The following DNAH10 variants were observed in gnomAD, a reference collection of about 807,000 sequenced individuals.
DNAH10 encodes axonemal beta dynein heavy chain 10.
In DNAH10, 348 loss-of-function variants were observed where a neutral mutation model predicts 506.6. The ratio of observed to expected loss-of-function variants is 0.69; its 90% CI spans 0.63 to 0.75. The LOEUF (loss-of-function observed/expected upper bound fraction) is 0.75, where lower values mean the gene tolerates loss of function less well. Ranked by LOEUF, DNAH10 falls within the 30% of genes least tolerant of loss-of-function variation. The pLI, the probability that DNAH10 is intolerant of heterozygous loss-of-function variation, is 0.00. For missense variants in DNAH10, 5,179 were observed against 5,787.1 expected, an observed-to-expected ratio of 0.89 and a Z score of 3.41; for synonymous variants, 2,059 against 2,198.6, an observed-to-expected ratio of 0.94 and a Z score of 1.78.
chr12:123,819,434 C>T (rs969942446), intron 23 of DNAH10, among the ~76,000 whole-genome samples, 184 bp downstream of exon 23: 10 of 149,980 alleles, frequency 6.7e-5, no homozygotes, highest in Admixed American at 6.0e-4. Context: ...TGGATTAATG[C>T]GACTCATTGA....
chr12:123,877,316 T>C (rs543313960), intron 47 of DNAH10, among the ~76,000 whole-genome samples: 2 of 152,212 alleles, frequency 1.3e-5, no homozygotes, highest in East Asian at 3.9e-4. Context: ...TCCTGGTTTG[T>C]TTTATTTTGT....
At chr12:123,789,891 A>C in intron 10 of DNAH10, 36 bp from the exon 11 acceptor site, 1 of 1,583,004 alleles carries the variant, frequency 6.3e-7, no homozygotes, top group Non-Finnish European at 8.6e-7. Flanking sequence ...GGAAAACCCA[A>C]ATGTAATCTC....
chr12:123,789,991 G>A lies in DNAH10; in HGVS notation c.1685G>A (p.Arg562His), dbSNP rs201031616. The change falls in exon 11 of 79, where the codon CGC (arginine) becomes CAC (histidine). Residue 562 changes from arginine (R) to histidine (H), a missense_variant. Physicochemically the swap from Arg to His is conservative, Grantham distance 29. Around this residue, in one of 3 missense-constraint regions of DNAH10, gnomAD observed 4,844 missense variants for 5,430.5 expected, o/e 0.89. Transcript: ENST00000673944. Reference protein sequence around the residue: ...ELKAVTGDPKRIDDVLCRVDG... With the variant: ...ELKAVTGDPKHIDDVLCRVDG... ...AAGGCAGTGACGGGGGACCCCAAGC[G>A]CATTGATGATGTCCTATGCAGAGTG... is the stretch of plus-strand genomic sequence containing the variant. 1.1e-5 allele frequency: 17 copies of A among 1,614,118 alleles called. No individual in the cohort carries two copies. The East Asian group carries it at 2.0e-4, about 19-fold the overall frequency.
intron 52 of DNAH10, among the ~76,000 whole-genome samples, chr12:123,892,367 C>G (rs1229024479): frequency 6.6e-6 from 1 of 152,122 alleles, no homozygotes; most frequent in African/African-American, 2.4e-5. Context: ...CCAGATCTCA[C>G]GAGAACTCAC....
At position 123,923,690 on chromosome 12, in the gene DNAH10, A is replaced by G. The variant is rs1228190921; in HGVS notation, c.11507-73A>G. On this transcript the variant is annotated intron_variant, in intron 65 of 78. Coordinates refer to ENST00000673944, the MANE Select transcript of DNAH10 (RefSeq NM_001372106.1). ...TTTCATTTATCTTACGTTTAAGCAC[A>G]GTGTGCATAAGAAACTCAGTTTTTT... The G allele has an allele frequency of 5.1e-6, 5 of 979,028 alleles. No individual in the cohort carries two copies. In the East Asian group the frequency reaches 1.0e-4, roughly 20 times the overall value. 60.6% of individuals were successfully genotyped at this position (979,028 alleles called of 1,614,324 possible).
chr12:123,834,916 A>G (rs1479780114), intron 27 of DNAH10, among the ~76,000 whole-genome samples: 3 of 152,116 alleles, frequency 2.0e-5, no homozygotes, highest in Non-Finnish European at 2.9e-5. Flanking sequence ...TTGTTTTTCT[A>G]TCCATTGGCT....
At position 123,820,713 on chromosome 12, in the gene DNAH10, A is replaced by G. The variant is rs1455839321; in HGVS notation, c.4134A>G (p.Glu1378=). Residue 1378 remains glutamate, a synonymous_variant, in exon 24 of 79, where the codon GAA becomes GAG. Transcript: ENST00000673944. Reference sequence around the variant, plus strand: ...CAGAGCTGCTGAAAGTGCAGAAGGAAATGAGTGGGCTGAGGATGATTTACG... The same window carrying G: ...CAGAGCTGCTGAAAGTGCAGAAGGAGATGAGTGGGCTGAGGATGATTTACG... ...MYPELLKVQK[E]MSGLRMIYEL... is the part of the protein sequence containing the mutation. 6.2e-7 allele frequency: 1 copy of G among 1,613,878 alleles called. No homozygotes were observed. The highest frequency in any genetic ancestry group is 1.3e-5 in the African/African-American group (1 of 74,920).
rs1236766392 is a variant in DNAH10, at chr12:123,925,397, AGT to A, written c.11921+197_11921+198del. 16 of 682,772 alleles carry A rather than the reference AGT, an allele frequency of 2.3e-5. No homozygotes were observed. The highest frequency in any genetic ancestry group is 3.5e-5 in the Non-Finnish European group (16 of 452,994). 42.3% of individuals were successfully genotyped at this position (682,772 alleles called of 1,614,324 possible). Reference sequence around the variant, plus strand: ...GAACAGTGCTAGTCATAAGAAATTCAGTGTGAGCCACATATGCAGTTTCGAAA... The same window carrying A: ...GAACAGTGCTAGTCATAAGAAATTCAGTGAGCCACATATGCAGTTTCGAAA... On this transcript the variant is annotated intron_variant, in intron 68 of 78. Transcript: ENST00000673944. This position sits in a 1 kb window ranked among gnomAD's most constrained non-coding sequence, Gnocchi z 4.0.
chr12:123,935,577 G>C lies in DNAH10; in HGVS notation c.*96G>C. 1 of 1,295,200 alleles carries C rather than the reference G, an allele frequency of 7.7e-7. No individual in the cohort carries two copies. Among genetic ancestry groups the C allele is most frequent in the Non-Finnish European group, 1.1e-6 (1 of 950,982 alleles). 80.2% of individuals were successfully genotyped at this position (1,295,200 alleles called of 1,614,324 possible). ...TTTCTTGGGGCCTCTCAAGAGGCAG[G>C]AGGGGGACTGACACTGATTTTTCAT... On this transcript the variant is annotated 3_prime_UTR_variant, in exon 79 of 79. Coordinates refer to ENST00000673944, the MANE Select transcript of DNAH10 (RefSeq NM_001372106.1).
At chr12:123,880,731 A>G (rs918360479) in intron 50 of DNAH10, among the ~76,000 whole-genome samples, 3 of 151,040 alleles carry the variant, frequency 2.0e-5, no homozygotes, top group African/African-American at 7.3e-5. Context: ...TACATGTGCC[A>G]TGTTGGTGTA....
In DNAH10 at chr12:123,875,285, A is replaced by C. The variant is rs2137010281; in HGVS notation, c.7993A>C (p.Lys2665Gln). 6.2e-7 allele frequency: 1 copy of C among 1,613,186 alleles called. No individual in the cohort carries two copies. The highest frequency in any genetic ancestry group is 2.2e-5 in the East Asian group (1 of 44,878). Residue 2665 changes from lysine (K) to glutamine (Q), a missense_variant, in exon 47 of 79, where the codon AAA becomes CAA. By Grantham distance (53) the Lys-to-Gln change is moderately conservative. Around this residue, in one of 3 missense-constraint regions of DNAH10, gnomAD observed 4,844 missense variants for 5,430.5 expected, o/e 0.89. Coordinates refer to ENST00000673944, the MANE Select transcript of DNAH10 (RefSeq NM_001372106.1). ...PIALLKLLLEKGYLYDRGKEL... is the reference protein window; with the variant it reads ...PIALLKLLLEQGYLYDRGKEL... Reference sequence around the variant, plus strand: ...TGCCTTGCTGAAGCTGCTGTTGGAAAAAGGCTACTTATATGACCGTGGGAA... The same window carrying C: ...TGCCTTGCTGAAGCTGCTGTTGGAACAAGGCTACTTATATGACCGTGGGAA...
intron 52 of DNAH10, among the ~76,000 whole-genome samples, chr12:123,889,498 C>T (rs1174369820): frequency 6.6e-6 from 1 of 152,136 alleles, no homozygotes; most frequent in African/African-American, 2.4e-5. Context: ...TTGGAGCATA[C>T]ATTTCAGCGT....
At position 123,834,144 on chromosome 12, in the gene DNAH10, G is replaced by A. The variant is rs981686925; in HGVS notation, c.4779+797G>A. On this transcript the variant is annotated intron_variant, in intron 27 of 78. Coordinates refer to ENST00000673944, the MANE Select transcript of DNAH10 (RefSeq NM_001372106.1). ...CCTTGCTTTTTTGTTTGTTTGTTTT[G>A]TCTATGACTTTGTGTTAGTGGAAGC... Among the ~76,000 whole-genome samples, 8 of 152,072 alleles carry A rather than the reference G, an allele frequency of 5.3e-5. No homozygotes were observed. The South Asian group carries it at 1.0e-3, about 20-fold the overall frequency.
In DNAH10 at chr12:123,801,385, T is replaced by C. The variant is rs1958477414; in HGVS notation, c.2567T>C (p.Leu856Pro). ...VLLKDHSQEL[L>P]RVFRSGYKRL... The stretch of plus-strand genomic sequence containing the variant: ...CTCAAAGATCATTCCCAGGAACTGC[T>C]CCGAGTGTTTAGGTCGGGATATAAG... The change falls in exon 16 of 79, where the codon CTC becomes CCC. Residue 856 changes from leucine to proline, a missense_variant. Leu to Pro is a moderately conservative substitution (Grantham distance 98). Around this residue, in one of 3 missense-constraint regions of DNAH10, gnomAD observed 4,844 missense variants for 5,430.5 expected, o/e 0.89. Transcript: ENST00000673944. 6.2e-7 allele frequency: 1 copy of C among 1,614,198 alleles called. No individual in the cohort carries two copies. The highest frequency in any genetic ancestry group is 8.5e-7 in the Non-Finnish European group (1 of 1,180,034).
intron 18 of DNAH10, among the ~76,000 whole-genome samples, chr12:123,807,573 G>A (rs1255321460): frequency 6.6e-6 from 1 of 152,080 alleles, no homozygotes; most frequent in Non-Finnish European, 1.5e-5. Flanking sequence ...GTCAGTGGAA[G>A]AAACAGAAAG....
In DNAH10 at chr12:123,785,831, C is replaced by T; in HGVS notation, c.1316C>T (p.Ser439Phe). ...MSALRMVWIISRHYNKDERMI... is the reference protein window; with the variant it reads ...MSALRMVWIIFRHYNKDERMI... ...GCCCTGCGGATGGTGTGGATCATCT[C>T]CCGACACTACAACAAAGACGAGAGG... Residue 439 changes from serine to phenylalanine, a missense_variant, in exon 9 of 79, where the codon TCC (serine) becomes TTC (phenylalanine). Ser to Phe is a radical substitution (Grantham distance 155). Transcript: ENST00000673944. The surrounding 1 kb of genome is among the most constrained non-coding windows in gnomAD (Gnocchi z 4.1). 3 of 1,614,088 alleles carry T rather than the reference C, an allele frequency of 1.9e-6. No individual in the cohort carries two copies. The highest frequency in any genetic ancestry group is 2.5e-6 in the Non-Finnish European group (3 of 1,180,010).
chr12:123,803,893 T>A (rs1453245112), intron 17 of DNAH10, 68 bp downstream of exon 17: 10 of 1,434,978 alleles, frequency 7.0e-6, no homozygotes, highest in Non-Finnish European at 8.6e-6. Context: ...TACATACATG[T>A]GTATATATGT....
rs756788063 is a variant in DNAH10 at position 123,787,855 on chromosome 12, C to A, written c.1473C>A (p.Leu491=). 6.2e-7 allele frequency: 1 copy of A among 1,614,082 alleles called. No homozygotes were observed. The highest frequency in any genetic ancestry group is 1.1e-5 in the South Asian group (1 of 91,028). ...AAACCTTGGAAGCCAGGAACACCCT[C>A]AGGCTGTGGAAAAAGGCCTATTTTG... ...QSKTLEARNT[L]RLWKKAYFDT... The change falls in exon 10 of 79, where the codon CTC becomes CTA. Residue 491 remains leucine (L), a synonymous_variant. Transcript: ENST00000673944. This position sits in a 1 kb window ranked among gnomAD's most constrained non-coding sequence, Gnocchi z 4.6.
intron 26 of DNAH10, among the ~76,000 whole-genome samples, chr12:123,831,434 G>C (rs1234873033): frequency 6.6e-6 from 1 of 152,168 alleles, no homozygotes; most frequent in Non-Finnish European, 1.5e-5. Flanking sequence ...TGTGTCCTGA[G>C]TTGATTCGTG....
Sources: gnomAD v4.1 joint callset for allele counts (sites outside exome capture counted in the v4.1 genomes callset) on GRCh38, gnomAD v4.1.1 for gene constraint, gnomAD v4.1.1 regional missense constraint, Gnocchi (gnomAD v3.1) non-coding constraint, MANE v1.5 for transcripts, NCBI Gene and HGNC (gene_info 2026-07-23, HGNC 2026-07-21) for gene names.